Variants in CIRSR observed in about 807,000 individuals in gnomAD.
The protein encoded by CIRSR is corepressor of RBPJ and splicing regulator.
the CIRSR span, among the ~76,000 whole-genome samples, chr2:174,371,800 A>G: frequency 2.6e-5 from 4 of 152,232 alleles, no homozygotes; most frequent in African/African-American, 9.6e-5. Flanking sequence ...TGTGGTTATC[A>G]TGAAATAATT....
the CIRSR span, among the ~76,000 whole-genome samples, chr2:174,372,257 T>C: frequency 1.3e-5 from 2 of 152,222 alleles, no homozygotes; most frequent in Non-Finnish European, 2.9e-5. Context: ...ATAAATGTAA[T>C]GTACCTTCAC....
the CIRSR span, among the ~76,000 whole-genome samples, chr2:174,364,280 G>A: frequency 6.6e-6 from 1 of 152,182 alleles, no homozygotes; most frequent in Admixed American, 6.5e-5. Flanking sequence ...ACAAGAGGTG[G>A]GTTCCCATGG....
At chr2:174,349,144 T>G in the CIRSR span, 1 of 1,483,438 alleles carries the variant, frequency 6.7e-7, no homozygotes, top group Non-Finnish European at 8.9e-7. Context: ...TCTTTTTTCT[T>G]TTTTTTCTTC....
chr2:174,353,387 C>T, the CIRSR span, among the ~76,000 whole-genome samples: 1 of 152,096 alleles, frequency 6.6e-6, no homozygotes, highest in Non-Finnish European at 1.5e-5. Context: ...ATTGATAATA[C>T]AATCTTAAAT....
the CIRSR span, among the ~76,000 whole-genome samples, chr2:174,377,213 A>T: frequency 6.6e-6 from 1 of 152,352 alleles, no homozygotes; most frequent in African/African-American, 2.4e-5. Context: ...ATACTTGCAG[A>T]TATAACAACA....
At chr2:174,354,772 T>A in the CIRSR span, among the ~76,000 whole-genome samples, 4,870 of 26,630 alleles carry the variant, frequency 0.18, 368 homozygotes, top group African/African-American at 0.26. Context: ...ATATATATAT[T>A]TTTTTTTTTG....
the CIRSR span, chr2:174,352,024 C>G: frequency 4.8e-6 from 1 of 207,272 alleles, no homozygotes; most frequent in Admixed American, 5.9e-5. Flanking sequence ...AAAATCAAAG[C>G]AAAATATTAT....
At chr2:174,384,702 C>T in the CIRSR span, among the ~76,000 whole-genome samples, 1 of 151,542 alleles carries the variant, frequency 6.6e-6, no homozygotes, top group African/African-American at 2.4e-5. Context: ...CAGGCATAAG[C>T]CATTGTGCCC....
the CIRSR span, chr2:174,370,061 C>A: frequency 7.4e-7 from 1 of 1,356,200 alleles, no homozygotes; most frequent in Non-Finnish European, 9.8e-7. Flanking sequence ...GGCATGCCTG[C>A]ATTAGAGTTT....
chr2:174,357,603 C>A, the CIRSR span, among the ~76,000 whole-genome samples: 1 of 152,044 alleles, frequency 6.6e-6, no homozygotes, highest in Non-Finnish European at 1.5e-5. Flanking sequence ...CTATATCTAG[C>A]GAATAAGCCA....
At chr2:174,349,121 T>C in the CIRSR span, 6 of 1,504,762 alleles carry the variant, frequency 4.0e-6, no homozygotes, top group Non-Finnish European at 5.3e-6. Context: ...TCTGAAACTT[T>C]TTCTTTTTTC....
At chr2:174,363,356 C>A in the CIRSR span, among the ~76,000 whole-genome samples, 2 of 152,146 alleles carry the variant, frequency 1.3e-5, no homozygotes, top group South Asian at 4.1e-4. Flanking sequence ...AAGATAAGAG[C>A]AGACAAAAAC....
At chr2:174,359,419 T>C in the CIRSR span, among the ~76,000 whole-genome samples, 3 of 152,072 alleles carry the variant, frequency 2.0e-5, no homozygotes, top group Non-Finnish European at 1.5e-5. Flanking sequence ...ATTATATCTA[T>C]ATATTATATA....
the CIRSR span, among the ~76,000 whole-genome samples, chr2:174,360,749 T>C: frequency 6.6e-6 from 1 of 152,200 alleles, no homozygotes; most frequent in African/African-American, 2.4e-5. Context: ...AATTAAAAAT[T>C]TGTTCAAGTC....
chr2:174,380,278 C>T, the CIRSR span: 17 of 1,507,486 alleles, frequency 1.1e-5, no homozygotes, highest in Non-Finnish European at 1.4e-5. Context: ...TGTACAAACA[C>T]AATATTAAGA....
the CIRSR span, among the ~76,000 whole-genome samples, chr2:174,352,205 TCACACACACACACACACACACATA>T: frequency 1.3e-5 from 2 of 150,260 alleles, no homozygotes; most frequent in African/African-American, 2.5e-5. Flanking sequence ...TGGTTGCTAA[TCACACACACACACACACACACATA>T]CACACACACA....
chr2:174,387,462 G>GTA, the CIRSR span: 1 of 423,374 alleles, frequency 2.4e-6, no homozygotes, highest in Non-Finnish European at 4.2e-6. Flanking sequence ...CTCAAAGACT[G>GTA]TATATGAGTC....
chr2:174,370,250 T>G, the CIRSR span, among the ~76,000 whole-genome samples: 1 of 152,226 alleles, frequency 6.6e-6, no homozygotes, highest in Non-Finnish European at 1.5e-5. Flanking sequence ...AGGGTCTTGC[T>G]GTGTTGCCAA....
the CIRSR span, among the ~76,000 whole-genome samples, chr2:174,371,518 T>G: frequency 6.6e-6 from 1 of 152,230 alleles, no homozygotes; most frequent in Non-Finnish European, 1.5e-5. Context: ...TTACAAGTTT[T>G]ACATATAATT....
Sources: gnomAD v4.1 joint callset for allele counts (sites outside exome capture counted in the v4.1 genomes callset) on GRCh38, gnomAD v4.1.1 for gene constraint, MANE v1.5 for transcripts, NCBI Gene and HGNC (gene_info 2026-07-23, HGNC 2026-07-21) for gene names.